FBXL7: variants seen among roughly 807,000 people sequenced by gnomAD.
FBXL7 encodes F-box and leucine rich repeat protein 7.
Under a neutral mutation model 38.3 loss-of-function variants are expected in FBXL7, and 12 were observed. The observed-to-expected ratio is 0.31, with a 90% CI of 0.20 to 0.51. The LOEUF (loss-of-function observed/expected upper bound fraction) is 0.51, where lower values mean the gene tolerates loss of function less well. Ranked by LOEUF, FBXL7 falls within the 20% of genes least tolerant of loss-of-function variation. The probability of loss-of-function intolerance (pLI) is 0.98; values close to 1 mark genes in which losing one functional copy is unlikely to be tolerated. For missense variants in FBXL7, 567 were observed against 676.4 expected (o/e 0.84, Z 1.79); for synonymous variants, 297 against 300.9 (o/e 0.99, Z 0.13).
intron 2 of FBXL7, among the ~76,000 whole-genome samples, chr5:15,881,753 C>G (rs1740461949): frequency 7.2e-5 from 11 of 152,138 alleles, no homozygotes; most frequent in Admixed American, 7.2e-4. Flanking sequence ...TAATAGTATT[C>G]AGTTCTTAAA....
At chr5:15,570,315 T>G (rs996671066) in intron 1 of FBXL7, among the ~76,000 whole-genome samples, 11 of 152,280 alleles carry the variant, frequency 7.2e-5, no homozygotes, top group African/African-American at 2.6e-4. Flanking sequence ...TGGTTTAGTC[T>G]TGGGAGGGTG....
At chr5:15,570,802 A>G (rs932379157) in intron 1 of FBXL7, among the ~76,000 whole-genome samples, 9 of 152,144 alleles carry the variant, frequency 5.9e-5, no homozygotes, top group Non-Finnish European at 1.2e-4. Flanking sequence ...ACTGTGCTTT[A>G]ATTTTTATGA....
At chr5:15,511,339 T>C (rs906930804) in intron 1 of FBXL7, among the ~76,000 whole-genome samples, 6 of 152,168 alleles carry the variant, frequency 3.9e-5, no homozygotes, top group African/African-American at 1.2e-4. Flanking sequence ...GAGAGGGTGT[T>C]CTCTAGGTTC....
intron 2 of FBXL7, among the ~76,000 whole-genome samples, chr5:15,826,922 T>A (rs1285310976): frequency 7.2e-6 from 1 of 138,408 alleles, no homozygotes; most frequent in African/African-American, 2.9e-5. Flanking sequence ...TACCTGTGGC[T>A]TTTTTTTTTT....
At chr5:15,547,538 G>A (rs1267310536) in intron 1 of FBXL7, among the ~76,000 whole-genome samples, 1 of 152,220 alleles carries the variant, frequency 6.6e-6, no homozygotes, top group East Asian at 1.9e-4. Context: ...GAGGCAGCCA[G>A]GAATGGCAGA....
chr5:15,814,739 A>G (rs564177305), intron 2 of FBXL7, among the ~76,000 whole-genome samples: 1 of 152,304 alleles, frequency 6.6e-6, no homozygotes, highest in East Asian at 1.9e-4. Context: ...ATATGCTACT[A>G]TGCATTAGGA....
At chr5:15,701,765 T>A (rs1374132629) in intron 2 of FBXL7, among the ~76,000 whole-genome samples, 3 of 152,258 alleles carry the variant, frequency 2.0e-5, no homozygotes, top group Admixed American at 6.5e-5. Context: ...TGAGGTTTTT[T>A]ATCTATAATT....
chr5:15,535,860 A>C (rs566676117), intron 1 of FBXL7, among the ~76,000 whole-genome samples: 9 of 152,380 alleles, frequency 5.9e-5, no homozygotes, highest in Non-Finnish European at 8.8e-5. Flanking sequence ...GTTGAATGTT[A>C]ATTGCCAAGA....
In FBXL7 at chr5:15,928,337, C is replaced by T. The variant is rs1035008370; in HGVS notation, c.575C>T (p.Thr192Ile). 2 of 1,613,968 alleles carry T rather than the reference C, an allele frequency of 1.2e-6. No individual in the cohort carries two copies. Among genetic ancestry groups the T allele is most frequent in the African/African-American group, 1.3e-5 (1 of 75,078 alleles). Residue 192 changes from threonine (T) to isoleucine (I), a missense_variant, in exon 3 of 4, where the codon ACT becomes ATT. Coordinates refer to ENST00000504595, the MANE Select transcript of FBXL7 (RefSeq NM_012304.5). The surrounding 1 kb of genome is among the most constrained non-coding windows in gnomAD (Gnocchi z 4.0). ...GTGTGTCTCATGCTGGAAACCGTAACTGTCAGTGGCTGCAGGCGGCTCACA... is the reference window on the plus strand; with the variant it reads ...GTGTGTCTCATGCTGGAAACCGTAATTGTCAGTGGCTGCAGGCGGCTCACA... ...PNVCLMLETV[T>I]VSGCRRLTDR...
chr5:15,581,177 A>G (rs1739127768), intron 1 of FBXL7, among the ~76,000 whole-genome samples: 1 of 152,228 alleles, frequency 6.6e-6, no homozygotes, highest in Non-Finnish European at 1.5e-5. Flanking sequence ...CACATTAGGC[A>G]TGTCAAATAT....
intron 2 of FBXL7, among the ~76,000 whole-genome samples, chr5:15,700,095 G>A (rs983744854): frequency 2.0e-5 from 3 of 152,158 alleles, no homozygotes; most frequent in African/African-American, 7.2e-5. Context: ...GTCGATGTTT[G>A]ATTTTTCCAC....
intron 2 of FBXL7, among the ~76,000 whole-genome samples, chr5:15,634,584 G>T (rs1226650451): frequency 6.6e-6 from 1 of 151,994 alleles, no homozygotes; most frequent in East Asian, 1.9e-4. Flanking sequence ...GCCTCCCAAG[G>T]TGCTGAGATT....
At chr5:15,619,474 T>C (rs1194818469) in intron 2 of FBXL7, among the ~76,000 whole-genome samples, 1 of 152,228 alleles carries the variant, frequency 6.6e-6, no homozygotes, top group Non-Finnish European at 1.5e-5. Flanking sequence ...CTAAAACTGC[T>C]TCTCGGATTC....
intron 2 of FBXL7, among the ~76,000 whole-genome samples, chr5:15,798,990 C>T (rs894224452): frequency 6.6e-6 from 1 of 152,196 alleles, no homozygotes; most frequent in African/African-American, 2.4e-5. Context: ...GCCCCCTTTG[C>T]AGGAGTTGAT....
chr5:15,535,312 G>T (rs1486449275), intron 1 of FBXL7, among the ~76,000 whole-genome samples: 1 of 152,230 alleles, frequency 6.6e-6, no homozygotes, highest in African/African-American at 2.4e-5. Context: ...TTGGAACTGG[G>T]TAATGGGCAG....
chr5:15,930,446 C>T (rs1216410086), intron 3 of FBXL7, among the ~76,000 whole-genome samples: 2 of 152,158 alleles, frequency 1.3e-5, no homozygotes, highest in African/African-American at 4.8e-5. Flanking sequence ...AAAGGTGCTT[C>T]CCATGCACTC....
intron 2 of FBXL7, among the ~76,000 whole-genome samples, chr5:15,824,620 A>T (rs1356775577): frequency 1.3e-5 from 2 of 152,210 alleles, no homozygotes; most frequent in African/African-American, 4.8e-5. Context: ...AGGAAAACAT[A>T]CCTTCTGTTT....
At chr5:15,593,849 C>A (rs973075281) in intron 1 of FBXL7, among the ~76,000 whole-genome samples, 4 of 152,108 alleles carry the variant, frequency 2.6e-5, no homozygotes, top group African/African-American at 9.7e-5. Context: ...TATGTAACTA[C>A]GTCTTGGGCA....
chr5:15,683,695 AAG>A (rs143791641), intron 2 of FBXL7, among the ~76,000 whole-genome samples: 254 of 152,300 alleles, frequency 1.7e-3, no homozygotes, highest in African/African-American at 5.8e-3. Flanking sequence ...CCCGGACCTT[AAG>A]AGAGCTAAGT....
Sources: gnomAD v4.1 joint callset for allele counts (sites outside exome capture counted in the v4.1 genomes callset) on GRCh38, gnomAD v4.1.1 for gene constraint, Gnocchi (gnomAD v3.1) non-coding constraint, MANE v1.5 for transcripts, NCBI Gene and HGNC (gene_info 2026-07-23, HGNC 2026-07-21) for gene names.